Variants in KIF1A observed in about 807,000 individuals in gnomAD.
KIF1A encodes kinesin-like protein KIF1A.
KIF1A carries 46 observed loss-of-function variants against 227.3 expected under a neutral mutation model. The observed-to-expected ratio is 0.20, with a 90% CI of 0.16 to 0.26. The LOEUF (loss-of-function observed/expected upper bound fraction) is 0.26. Ranked by LOEUF, KIF1A falls within the 10% of genes least tolerant of loss-of-function variation. The probability of loss-of-function intolerance (pLI) is 1.00; values close to 1 mark genes in which losing one functional copy is unlikely to be tolerated. For synonymous variants in KIF1A, 1,022 were observed against 1,012.8 expected (o/e 1.01, Z -0.17); for missense variants, 1,683 against 2,485.9 (o/e 0.68, Z 6.87).
intron 46 of KIF1A, 100 bp from the exon 47 acceptor site, chr2:240,719,298 AACC>A: frequency 7.6e-7 from 1 of 1,323,286 alleles, no homozygotes; most frequent in South Asian, 1.5e-5. Flanking sequence ...CAGCAGTGCC[AACC>A]ACCTCCCCAG....
intron 10 of KIF1A, among the ~76,000 whole-genome samples, chr2:240,777,562 C>T (rs559341427): frequency 6.6e-6 from 1 of 152,310 alleles, no homozygotes; most frequent in South Asian, 2.1e-4. Flanking sequence ...CCAGCCTCCA[C>T]CATCCCAAGC....
intron 1 of KIF1A, among the ~76,000 whole-genome samples, chr2:240,798,486 G>A (rs146022278): frequency 6.6e-6 from 1 of 152,330 alleles, no homozygotes; most frequent in Non-Finnish European, 1.5e-5. Flanking sequence ...TGGGGAATTC[G>A]GTACAAGCCA....
In KIF1A at chr2:240,740,351, C is replaced by T. The variant is rs752703226; in HGVS notation, c.3763G>A (p.Val1255Met). The change falls in exon 36 of 49, where the codon GTG becomes ATG. Residue 1255 changes from valine (V) to methionine (M), a missense_variant. Val to Met is a conservative substitution (Grantham distance 21, BLOSUM62 1). Coordinates refer to ENST00000498729, the MANE Select transcript of KIF1A (RefSeq NM_001244008.2). This position sits in a 1 kb window ranked among gnomAD's most constrained non-coding sequence, Gnocchi z 6.1. ...LEANGDYIPA[V>M]VDHRGGMPCM... is the part of the protein sequence containing the mutation. ...GGCATGCCCCCACGGTGGTCCACCA[C>T]GGCCGGGATGTAACTGGAAGAGAGA... 24 of 1,613,630 alleles carry T rather than the reference C, an allele frequency of 1.5e-5. No homozygotes were observed. The highest frequency in any genetic ancestry group is 2.2e-5 in the East Asian group (1 of 44,872).
chr2:240,724,117 C>G (rs2125609544), intron 40 of KIF1A, 81 bp from the exon 41 acceptor site: 1 of 1,263,534 alleles, frequency 7.9e-7, no homozygotes, highest in South Asian at 1.2e-5. Context: ...CTGACTTGCC[C>G]CACTATCAAA....
At position 240,774,083 on chromosome 2, in the gene KIF1A, G is replaced by C. The variant is rs546946240; in HGVS notation, c.1037+100C>G. On this transcript the variant is annotated intron_variant, in intron 12 of 48. Transcript: ENST00000498729. ...GTCCAGGGTATACCCCTCACAAAGA[G>C]TCGCCCCTGGTCACTGGTGCTTCCT... 6.4e-5 allele frequency: 45 copies of C among 706,432 alleles called. 1 individual carries two copies. The East Asian group carries it at 1.2e-3, about 19-fold the overall frequency. The allele number at this position is 706,432 out of a possible 1,614,324, so 43.8% of individuals were successfully genotyped here.
At chr2:240,810,906 G>A (rs1181816864) in intron 1 of KIF1A, among the ~76,000 whole-genome samples, 3 of 152,194 alleles carry the variant, frequency 2.0e-5, no homozygotes, top group East Asian at 1.9e-4. Context: ...GATGTGGGTC[G>A]GCCGAGATGC....
rs1456083110 is a variant in KIF1A at position 240,775,271 on chromosome 2, A to G, written c.958+580T>C. Among the ~76,000 whole-genome samples the G allele has an allele frequency of 6.6e-6, 1 of 152,128 alleles. No individual in the cohort carries two copies. Among genetic ancestry groups the G allele is most frequent in the African/African-American group, 2.4e-5 (1 of 41,422 alleles). Reference sequence around the variant, plus strand: ...GGAGGCCAGGGACCCCCAGTCATCTATGTTCACCAGGTCAGCCCAAGACTC... The same window carrying G: ...GGAGGCCAGGGACCCCCAGTCATCTGTGTTCACCAGGTCAGCCCAAGACTC... On this transcript the variant is annotated intron_variant, in intron 11 of 48. Transcript: ENST00000498729. The surrounding 1 kb of genome is among the most constrained non-coding windows in gnomAD (Gnocchi z 5.5).
chr2:240,748,792 C>A, intron 28 of KIF1A: 1 of 197,030 alleles, frequency 5.1e-6, no homozygotes, highest in Non-Finnish European at 1.2e-5. Flanking sequence ...GTGGGAGGTG[C>A]TATAAACAGC....
chr2:240,746,032 G>A lies in KIF1A; in HGVS notation c.3202+7C>T, dbSNP rs781712580. On this transcript the variant is annotated splice_region_variant and intron_variant, in intron 30 of 48. Coordinates refer to ENST00000498729, the MANE Select transcript of KIF1A (RefSeq NM_001244008.2). ...TACGCCCTGGGCAGCTGGGGTGGGCGACCCACCTGAACAGGTGTTGTTGTT... is the reference window on the plus strand; with the variant it reads ...TACGCCCTGGGCAGCTGGGGTGGGCAACCCACCTGAACAGGTGTTGTTGTT... 65 of 1,607,086 alleles carry A rather than the reference G, an allele frequency of 4.0e-5. No individual in the cohort carries two copies. Among genetic ancestry groups the A allele is most frequent in the Admixed American group, 6.8e-5 (4 of 59,184 alleles).
At chr2:240,786,621 TG>T (rs1486167569) in intron 5 of KIF1A, 108 bp from the exon 6 acceptor site, 5 of 889,644 alleles carry the variant, frequency 5.6e-6, no homozygotes, top group Non-Finnish European at 8.0e-6. Flanking sequence ...GACCCCTGAG[TG>T]AGGAGATGGG....
At chr2:240,796,287 A>G (rs1204984972) in intron 2 of KIF1A, among the ~76,000 whole-genome samples, 1 of 152,192 alleles carries the variant, frequency 6.6e-6, no homozygotes, top group East Asian at 1.9e-4. Flanking sequence ...CCACCTGAGC[A>G]CTTTCTCCGA....
At position 240,743,933 on chromosome 2, in the gene KIF1A, G is replaced by T; in HGVS notation, c.3584+9C>A. The T allele has an allele frequency of 6.3e-7, 1 of 1,592,450 alleles. No homozygotes were observed. Among genetic ancestry groups the T allele is most frequent in the Non-Finnish European group, 8.6e-7 (1 of 1,160,878 alleles). The stretch of plus-strand genomic sequence containing the variant: ...AGCAGCCCCGAACCCCCCGACCCAG[G>T]GCGCTAACCTGAGCACGTCCTTGCA... On this transcript the variant is annotated intron_variant, in intron 33 of 48. Coordinates refer to ENST00000498729, the MANE Select transcript of KIF1A (RefSeq NM_001244008.2).
chr2:240,727,080 C>T (rs1027340281), intron 38 of KIF1A, 140 bp from the exon 39 acceptor site: 28 of 559,974 alleles, frequency 5.0e-5, no homozygotes, highest in Non-Finnish European at 7.1e-5. Context: ...GAAGCCCGGG[C>T]GGCGGTGCCA....
intron 28 of KIF1A, among the ~76,000 whole-genome samples, chr2:240,748,306 G>A (rs1357119113): frequency 6.6e-6 from 1 of 152,226 alleles, no homozygotes; most frequent in Non-Finnish European, 1.5e-5. Flanking sequence ...GACAAAGGTA[G>A]AGCTTTGCAC....
intron 16 of KIF1A, 126 bp downstream of exon 16, chr2:240,769,500 TG>T: frequency 1.3e-6 from 1 of 756,942 alleles, no homozygotes; most frequent in Non-Finnish European, 2.1e-6. Flanking sequence ...TGCCCTGGGC[TG>T]GGATGTGGCC....
Position 240,725,661 on chromosome 2 carries a change from C to T in KIF1A, c.4123-257G>A, listed in dbSNP as rs1185022234. 6.4e-6 allele frequency: 3 copies of T among 468,400 alleles called. No homozygotes were observed. The highest frequency in any genetic ancestry group is 3.8e-5 in the Admixed American group (1 of 26,444). The allele number at this position is 468,400 out of a possible 1,614,324, so 29.0% of individuals were successfully genotyped here. ...GACTGGTCTCCATGTGTGGGGACCC[C>T]GAGGGTCCCAGACATAGGCTCACTG... On this transcript the variant is annotated intron_variant, in intron 39 of 48. Coordinates refer to ENST00000498729, the MANE Select transcript of KIF1A (RefSeq NM_001244008.2). The surrounding 1 kb of genome is among the most constrained non-coding windows in gnomAD (Gnocchi z 5.8).
At chr2:240,812,800 A>C (rs2057987086) in intron 1 of KIF1A, among the ~76,000 whole-genome samples, 3 of 128,752 alleles carry the variant, frequency 2.3e-5, no homozygotes, top group Admixed American at 9.0e-5. Context: ...GTCCGCCTTC[A>C]CCTCAAGATC....
intron 9 of KIF1A, 91 bp from the exon 10 acceptor site, chr2:240,782,698 C>T: frequency 8.1e-6 from 11 of 1,355,414 alleles, no homozygotes; most frequent in Non-Finnish European, 1.1e-5. Context: ...GGCTGCCTCG[C>T]CCTGGCCATG....
intron 41 of KIF1A, 45 bp from the exon 42 acceptor site, chr2:240,723,603 T>C (rs2045658976): frequency 6.7e-7 from 1 of 1,491,604 alleles, no homozygotes; most frequent in East Asian, 2.5e-5. Flanking sequence ...GATGGGTGGC[T>C]GCTCCTCCCA....
Sources: allele counts gnomAD v4.1 joint callset (sites outside exome capture counted in the v4.1 genomes callset), GRCh38; gene constraint gnomAD v4.1.1; non-coding constraint Gnocchi (gnomAD v3.1); transcripts MANE v1.5; gene names NCBI Gene and HGNC (gene_info 2026-07-23, HGNC 2026-07-21).